Variants in SUCLG2 observed in about 807,000 individuals in gnomAD.
SUCLG2 encodes the protein succinate--CoA ligase [GDP-forming] subunit beta, mitochondrial.
A neutral mutation model predicts 47.9 loss-of-function variants in SUCLG2; 42 were observed. The observed-to-expected ratio is 0.88, with a 90% CI of 0.69 to 1.14. The LOEUF (loss-of-function observed/expected upper bound fraction) is 1.14, where lower values mean the gene tolerates loss of function less well. Ranked by LOEUF, SUCLG2 falls within the 50% of genes most tolerant of loss-of-function variation. The probability of loss-of-function intolerance (pLI) is 0.00; values close to 1 mark genes in which losing one functional copy is unlikely to be tolerated. For missense variants in SUCLG2, 571 were observed against 525.9 expected, an observed-to-expected ratio of 1.09 and a Z score of -0.84; for synonymous variants, 195 against 197.3, an observed-to-expected ratio of 0.99 and a Z score of 0.10.
chr3:67,602,615 T>G (rs1052283846), intron 2 of SUCLG2, among the ~76,000 whole-genome samples: 1 of 152,124 alleles, frequency 6.6e-6, no homozygotes, highest in Non-Finnish European at 1.5e-5. Flanking sequence ...ATACATACAA[T>G]AGAAAATGTC....
intron 2 of SUCLG2, among the ~76,000 whole-genome samples, chr3:67,583,740 T>C (rs1707938366): frequency 1.3e-5 from 2 of 152,238 alleles, no homozygotes; most frequent in Non-Finnish European, 2.9e-5. Context: ...AGGTATCCAG[T>C]TCCTTGACAC....
intron 2 of SUCLG2, among the ~76,000 whole-genome samples, chr3:67,571,117 G>A (rs1243544963): frequency 6.6e-6 from 1 of 152,160 alleles, no homozygotes; most frequent in Non-Finnish European, 1.5e-5. Flanking sequence ...ACCACAGGAT[G>A]TAATCCTAAT....
chr3:67,577,312 CAAA>C (rs34305042), intron 2 of SUCLG2, among the ~76,000 whole-genome samples: 7 of 132,874 alleles, frequency 5.3e-5, no homozygotes, highest in Admixed American at 5.0e-4. Flanking sequence ...TCTCAAAAAA[CAAA>C]AAAAAAAGTT....
At chr3:67,602,097 TG>T (rs1160411802) in intron 2 of SUCLG2, among the ~76,000 whole-genome samples, 6 of 152,148 alleles carry the variant, frequency 3.9e-5, no homozygotes, top group African/African-American at 1.4e-4. Flanking sequence ...TACACAATCA[TG>T]GGCATGAAGA....
chr3:67,413,421 G>C (rs1176071094), intron 9 of SUCLG2, among the ~76,000 whole-genome samples: 1 of 152,158 alleles, frequency 6.6e-6, no homozygotes, highest in Non-Finnish European at 1.5e-5. Context: ...GGGTAACATG[G>C]AGACAAACTC....
rs186578462 is a variant in SUCLG2 at position 67,420,725 on chromosome 3, A to T, written c.1063-19874T>A. ...AATCCTCCATTAGGCAGCATGATAA[A>T]GTAAAAAACAAAGGAATAGATACAC... On this transcript the variant is annotated intron_variant, in intron 9 of 10. Transcript: ENST00000307227. 7.3e-3 allele frequency among the ~76,000 whole-genome samples: 1,098 copies of T among 150,270 alleles called. 14 individuals carry two copies. Among genetic ancestry groups the T allele is most frequent in the African/African-American group, 0.026 (1,052 of 40,372 alleles).
chr3:67,638,630 A>G (rs1235231925), intron 1 of SUCLG2, among the ~76,000 whole-genome samples: 1 of 152,234 alleles, frequency 6.6e-6, no homozygotes. Context: ...CTAATTCCAG[A>G]AATAAATCAA....
intron 6 of SUCLG2, 61 bp from the exon 7 acceptor site, chr3:67,508,964 G>A: frequency 2.3e-6 from 3 of 1,308,066 alleles, no homozygotes; most frequent in African/African-American, 1.5e-5. Flanking sequence ...TTATTTTGCT[G>A]GATTAATGAA....
chr3:67,416,738 T>A (rs1347585856), intron 9 of SUCLG2, among the ~76,000 whole-genome samples: 1 of 152,220 alleles, frequency 6.6e-6, no homozygotes, highest in African/African-American at 2.4e-5. Flanking sequence ...TATATGACTA[T>A]CCACATAAAG....
chr3:67,520,795 A>G (rs1367837136), intron 4 of SUCLG2, among the ~76,000 whole-genome samples, 161 bp from the exon 5 acceptor site: 2 of 152,224 alleles, frequency 1.3e-5, no homozygotes, highest in Non-Finnish European at 2.9e-5. Context: ...CTCATGGTGC[A>G]CACAATGCCC....
At chr3:67,390,485 C>A (rs1702356461) in intron 10 of SUCLG2, among the ~76,000 whole-genome samples, 1 of 152,100 alleles carries the variant, frequency 6.6e-6, no homozygotes, top group Admixed American at 6.5e-5. Context: ...TTTATAATTA[C>A]ATGTATTTAC....
chr3:67,476,641 C>T (rs1704766975), intron 9 of SUCLG2, among the ~76,000 whole-genome samples: 1 of 152,202 alleles, frequency 6.6e-6, no homozygotes, highest in East Asian at 1.9e-4. Context: ...TGGACCCTCA[C>T]TCAGTAGAAA....
At chr3:67,513,589 G>GGAAT (rs1368358019) in intron 6 of SUCLG2, among the ~76,000 whole-genome samples, 1 of 152,118 alleles carries the variant, frequency 6.6e-6, no homozygotes, top group Non-Finnish European at 1.5e-5. Context: ...GGTGTAACAG[G>GGAAT]GAATGGCATG....
intron 1 of SUCLG2, among the ~76,000 whole-genome samples, chr3:67,624,323 T>C (rs1700786023): frequency 6.6e-6 from 1 of 152,194 alleles, no homozygotes; most frequent in African/African-American, 2.4e-5. Flanking sequence ...ATTTTGAATG[T>C]TCTCTGTGCA....
At chr3:67,647,053 T>C (rs1701204510) in intron 1 of SUCLG2, among the ~76,000 whole-genome samples, 1 of 152,024 alleles carries the variant, frequency 6.6e-6, no homozygotes, top group East Asian at 1.9e-4. Context: ...AAGGCAGCCC[T>C]CCTGAACCTC....
At chr3:67,560,264 T>C (rs1400733075) in intron 2 of SUCLG2, among the ~76,000 whole-genome samples, 1 of 152,128 alleles carries the variant, frequency 6.6e-6, no homozygotes, top group African/African-American at 2.4e-5. Context: ...ATAGTATCTT[T>C]TAAAAAATGA....
At chr3:67,480,973 A>T (rs1315140724) in intron 9 of SUCLG2, among the ~76,000 whole-genome samples, 1 of 152,140 alleles carries the variant, frequency 6.6e-6, no homozygotes, top group Non-Finnish European at 1.5e-5. Flanking sequence ...CGCAGCCCAT[A>T]AGGAAGTTCA....
chr3:67,444,036 A>C (rs1703852041), intron 9 of SUCLG2, among the ~76,000 whole-genome samples: 1 of 118,410 alleles, frequency 8.4e-6, no homozygotes, highest in Admixed American at 8.8e-5. Context: ...CCGCCTGGCC[A>C]GCCGCCCCGT....
At chr3:67,423,028 T>C (rs991791436) in intron 9 of SUCLG2, among the ~76,000 whole-genome samples, 1 of 152,172 alleles carries the variant, frequency 6.6e-6, no homozygotes, top group Non-Finnish European at 1.5e-5. Context: ...GTTGATTTAG[T>C]CTTGTTTGTG....
Sources: gnomAD v4.1 joint callset for allele counts (sites outside exome capture counted in the v4.1 genomes callset) on GRCh38, gnomAD v4.1.1 for gene constraint, MANE v1.5 for transcripts, NCBI Gene and HGNC (gene_info 2026-07-23, HGNC 2026-07-21) for gene names.